The following WWOX variants were observed in gnomAD, a reference collection of about 807,000 sequenced individuals.
WWOX encodes the protein WW domain-containing oxidoreductase.
In WWOX, 69 loss-of-function variants were observed where a neutral mutation model predicts 46.2. The ratio of observed to expected loss-of-function variants is 1.49; its 90% CI spans 1.23 to 1.82. WWOX has a LOEUF of 1.82. Among genes scored for constraint, WWOX ranks in the 40% most tolerant of loss-of-function variants. The pLI is 0.00. For missense variants in WWOX, 919 were observed against 542.6 expected, an observed-to-expected ratio of 1.69 and a Z score of -6.89; for synonymous variants, 359 against 202.6, an observed-to-expected ratio of 1.77 and a Z score of -6.56.
chr16:78,912,439 A>C (rs1236868058), intron 8 of WWOX, among the ~76,000 whole-genome samples: 1 of 151,886 alleles, frequency 6.6e-6, no homozygotes, highest in Admixed American at 6.6e-5. Context: ...TGGCAGCTCA[A>C]GGGGTTTTTG....
At chr16:78,530,345 A>G (rs539404489) in intron 8 of WWOX, among the ~76,000 whole-genome samples, 2 of 152,138 alleles carry the variant, frequency 1.3e-5, no homozygotes, top group Non-Finnish European at 2.9e-5. Flanking sequence ...AGGTCTCATG[A>G]GCAAATTTTA....
intron 5 of WWOX, among the ~76,000 whole-genome samples, chr16:78,332,856 C>G (rs147940956): frequency 3.3e-4 from 50 of 152,130 alleles, no homozygotes; most frequent in African/African-American, 1.2e-3. Flanking sequence ...TTTAAAATTG[C>G]TTCATGTCGC....
At chr16:79,130,534 C>A (rs1169652580) in intron 8 of WWOX, among the ~76,000 whole-genome samples, 1 of 152,146 alleles carries the variant, frequency 6.6e-6, no homozygotes, top group Non-Finnish European at 1.5e-5. Flanking sequence ...GACTCAAGGA[C>A]TGTGGAACCT....
At chr16:78,483,605 C>T (rs1220691112) in intron 8 of WWOX, among the ~76,000 whole-genome samples, 1 of 152,018 alleles carries the variant, frequency 6.6e-6, no homozygotes, top group Admixed American at 6.6e-5. Context: ...AACCTTTGAC[C>T]CCCTTCACAT....
chr16:78,823,818 C>T (rs546630461), intron 8 of WWOX, among the ~76,000 whole-genome samples: 8 of 151,706 alleles, frequency 5.3e-5, no homozygotes, highest in East Asian at 1.9e-4. Flanking sequence ...GTTCTGTCTC[C>T]GAGCTAGAGT....
intron 5 of WWOX, among the ~76,000 whole-genome samples, chr16:78,227,633 T>C (rs2037108682): frequency 6.6e-6 from 1 of 152,084 alleles, no homozygotes; most frequent in African/African-American, 2.4e-5. Flanking sequence ...TCCCAGCACT[T>C]TGGGAGGCCT....
chr16:78,753,816 AAAAAAAAAAATATATATAT>A (rs1252381204), intron 8 of WWOX, among the ~76,000 whole-genome samples: 143 of 87,488 alleles, frequency 1.6e-3, no homozygotes, highest in African/African-American at 5.9e-3. Context: ...AAAAAAAAAA[AAAAAAAAAAATATATATAT>A]ATATATATAT....
At chr16:79,201,310 C>T (rs949718575) in intron 8 of WWOX, among the ~76,000 whole-genome samples, 2 of 151,814 alleles carry the variant, frequency 1.3e-5, no homozygotes, top group East Asian at 3.9e-4. Flanking sequence ...TCTCCCTTCC[C>T]TAGCTGAATA....
At chr16:78,918,465 C>G (rs182058663) in intron 8 of WWOX, among the ~76,000 whole-genome samples, 18 of 152,026 alleles carry the variant, frequency 1.2e-4, no homozygotes, top group South Asian at 2.1e-4. Context: ...CTTGGTTGTT[C>G]TCGGTTTCAG....
rs540199961 is a variant in WWOX at position 78,664,282 on chromosome 16, A to G, written c.1056+231530A>G. ...CCTCCCACTGGACCACAAGCCCCTA[A>G]CTCTTCATGTACACACCCTGACTCC... On this transcript the variant is annotated intron_variant, in intron 8 of 8. Coordinates refer to ENST00000566780, the MANE Select transcript of WWOX (RefSeq NM_016373.4). Among the ~76,000 whole-genome samples the G allele has an allele frequency of 1.7e-3, 261 of 152,106 alleles. 4 individuals carry two copies. Among genetic ancestry groups the G allele is most frequent in the Middle Eastern group, 6.8e-3 (2 of 294 alleles).
chr16:79,030,083 A>G lies in WWOX; in HGVS notation c.1057-181525A>G, dbSNP rs115838295. Among the ~76,000 whole-genome samples, 567 of 152,308 alleles carry G rather than the reference A, an allele frequency of 3.7e-3. 4 individuals are homozygous for G. Among genetic ancestry groups the G allele is most frequent in the African/African-American group, 0.013 (538 of 41,546 alleles). On this transcript the variant is annotated intron_variant, in intron 8 of 8. Coordinates refer to ENST00000566780, the MANE Select transcript of WWOX (RefSeq NM_016373.4). ...GACCAAAAAAAATAGCATCTGCCCA[A>G]AAGATGCTATTTATAAAACTGTTAC... is the stretch of plus-strand genomic sequence containing the variant.
At chr16:78,289,013 C>G (rs1418667019) in intron 5 of WWOX, among the ~76,000 whole-genome samples, 1 of 152,164 alleles carries the variant, frequency 6.6e-6, no homozygotes, top group East Asian at 1.9e-4. Flanking sequence ...GCTTTTCTCA[C>G]AAATTCTCGG....
rs192707247 is a variant in WWOX, at chr16:78,386,601, C to T, written c.517-259C>T. 3.8e-3 allele frequency among the ~76,000 whole-genome samples: 578 copies of T among 151,996 alleles called. 18 individuals carry two copies. Among genetic ancestry groups the T allele is most frequent in the Admixed American group, 0.032 (481 of 15,200 alleles). ...AAGCGCCTTTGCAGCCTCTTTTGCG[C>T]GGCTGAAACACAGCACAACCCACCC... On this transcript the variant is annotated intron_variant, in intron 5 of 8. Transcript: ENST00000566780.
intron 8 of WWOX, among the ~76,000 whole-genome samples, chr16:79,051,010 C>T (rs377443617): frequency 5.3e-5 from 8 of 152,360 alleles, no homozygotes; most frequent in African/African-American, 1.4e-4. Flanking sequence ...TCACACGTCA[C>T]GGCTCTTCGC....
intron 5 of WWOX, among the ~76,000 whole-genome samples, chr16:78,358,730 T>C (rs1417102294): frequency 6.6e-6 from 1 of 152,084 alleles, no homozygotes; most frequent in Admixed American, 6.6e-5. Context: ...AGGGAAAATA[T>C]ACAAATGAGT....
chr16:78,514,959 G>A (rs1482826799), intron 8 of WWOX, among the ~76,000 whole-genome samples: 1 of 152,034 alleles, frequency 6.6e-6, no homozygotes, highest in African/African-American at 2.4e-5. Context: ...GAGGCTCATG[G>A]CTATAATCCC....
intron 8 of WWOX, among the ~76,000 whole-genome samples, chr16:78,628,652 C>G (rs1288840867): frequency 1.3e-5 from 2 of 151,868 alleles, no homozygotes; most frequent in East Asian, 1.9e-4. Context: ...TTGTCTGGAA[C>G]TTTGCAAAAT....
chr16:78,129,351 G>A (rs2033495515), intron 4 of WWOX, among the ~76,000 whole-genome samples: 3 of 152,134 alleles, frequency 2.0e-5, no homozygotes, highest in Admixed American at 6.5e-5. Flanking sequence ...TTAATGTCCT[G>A]TTGCTACTAT....
chr16:78,177,467 C>A (rs1318893571), intron 5 of WWOX, among the ~76,000 whole-genome samples: 1 of 152,122 alleles, frequency 6.6e-6, no homozygotes, highest in Non-Finnish European at 1.5e-5. Context: ...TGCTTTAAAG[C>A]AGGATGGTTG....
Sources: gnomAD v4.1 joint callset for allele counts (sites outside exome capture counted in the v4.1 genomes callset) on GRCh38, gnomAD v4.1.1 for gene constraint, MANE v1.5 for transcripts, NCBI Gene and HGNC (gene_info 2026-07-23, HGNC 2026-07-21) for gene names.